Variants in FGGY observed in about 807,000 individuals in gnomAD.
FGGY encodes the protein FGGY carbohydrate kinase domain-containing protein.
Under a neutral mutation model 71.3 loss-of-function variants are expected in FGGY, and 72 were observed. The observed-to-expected ratio is 1.01, with a 90% CI of 0.84 to 1.23. The LOEUF (loss-of-function observed/expected upper bound fraction) is 1.23, where lower values mean the gene tolerates loss of function less well. Among genes scored for constraint, FGGY ranks in the 50% most tolerant of loss-of-function variants. The pLI, the probability that FGGY is intolerant of heterozygous loss-of-function variation, is 0.00. For synonymous variants in FGGY, 251 were observed against 250.3 expected (o/e 1.00, Z -0.02); for missense variants, 668 against 682.3 (o/e 0.98, Z 0.23).
chr1:59,622,615 A>G (rs2096821388), intron 9 of FGGY, among the ~76,000 whole-genome samples: 1 of 152,158 alleles, frequency 6.6e-6, no homozygotes, highest in Non-Finnish European at 1.5e-5. Flanking sequence ...TTAGGGTAGC[A>G]TTTATAGGCA....
intron 9 of FGGY, among the ~76,000 whole-genome samples, chr1:59,611,078 C>A (rs765808842): frequency 1.3e-5 from 2 of 152,244 alleles, no homozygotes; most frequent in Non-Finnish European, 2.9e-5. Flanking sequence ...TAGACTCCAC[C>A]TCTGAGGGCG....
intron 14 of FGGY, among the ~76,000 whole-genome samples, chr1:59,724,056 A>G (rs2097919381): frequency 6.6e-6 from 1 of 152,062 alleles, no homozygotes; most frequent in African/African-American, 2.4e-5. Flanking sequence ...CCAGCTACTC[A>G]GGAAGCTGAG....
chr1:59,701,645 A>G (rs1428078891), intron 14 of FGGY, among the ~76,000 whole-genome samples: 1 of 152,134 alleles, frequency 6.6e-6, no homozygotes. Flanking sequence ...AAAGGAAGTG[A>G]CAGTTGAGTC....
intron 1 of FGGY, among the ~76,000 whole-genome samples, chr1:59,309,236 T>C (rs2043889587): frequency 6.6e-6 from 1 of 152,192 alleles, no homozygotes; most frequent in South Asian, 2.1e-4. Context: ...TTCCTGTTTG[T>C]TAGGTGTAAA....
At chr1:59,503,099 C>A (rs2094278862) in intron 6 of FGGY, among the ~76,000 whole-genome samples, 1 of 152,252 alleles carries the variant, frequency 6.6e-6, no homozygotes, top group African/African-American at 2.4e-5. Context: ...TGACCATGTC[C>A]CATTACATAG....
chr1:59,556,175 G>A (rs2095683494), intron 8 of FGGY, among the ~76,000 whole-genome samples: 1 of 152,190 alleles, frequency 6.6e-6, no homozygotes, highest in Admixed American at 6.5e-5. Flanking sequence ...TTGTTAGATT[G>A]TCTTCACTGA....
At chr1:59,605,567 T>G (rs967272236) in intron 8 of FGGY, among the ~76,000 whole-genome samples, 2 of 152,198 alleles carry the variant, frequency 1.3e-5, no homozygotes, top group African/African-American at 2.4e-5. Context: ...AAGCCTATCT[T>G]TTTTCTCCCT....
At chr1:59,727,192 T>G (rs764213235) in intron 14 of FGGY, among the ~76,000 whole-genome samples, 5 of 152,212 alleles carry the variant, frequency 3.3e-5, no homozygotes, top group Non-Finnish European at 5.9e-5. Flanking sequence ...GGCCTCCAGC[T>G]ACCTCCACGT....
chr1:59,392,335 C>T (rs531530726), intron 5 of FGGY, among the ~76,000 whole-genome samples: 71 of 152,264 alleles, frequency 4.7e-4, no homozygotes, highest in Admixed American at 1.7e-3. Flanking sequence ...CACTAGAGCT[C>T]TTAAGGCTTG....
chr1:59,551,900 G>C (rs967508096), intron 7 of FGGY, among the ~76,000 whole-genome samples: 2 of 152,142 alleles, frequency 1.3e-5, no homozygotes, highest in Non-Finnish European at 2.9e-5. Flanking sequence ...TTTGTGCCCT[G>C]AATGGAGAAT....
chr1:59,308,590 G>C (rs1178910788), intron 1 of FGGY, among the ~76,000 whole-genome samples: 1 of 152,102 alleles, frequency 6.6e-6, no homozygotes, highest in East Asian at 1.9e-4. Context: ...GAATCACCTG[G>C]AGGCCTTTTT....
At chr1:59,314,925 T>C (rs2045130218) in intron 1 of FGGY, among the ~76,000 whole-genome samples, 1 of 152,114 alleles carries the variant, frequency 6.6e-6, no homozygotes, top group Non-Finnish European at 1.5e-5. Context: ...AGAGACTATG[T>C]GTGTGATGTT....
chr1:59,665,567 G>GT (rs1238847634), intron 12 of FGGY, among the ~76,000 whole-genome samples: 1 of 152,090 alleles, frequency 6.6e-6, no homozygotes, highest in Non-Finnish European at 1.5e-5. Flanking sequence ...ATCCCCTGGG[G>GT]TGACAGCTCC....
chr1:59,515,151 C>T lies in FGGY; in HGVS notation c.799+2712C>T, dbSNP rs775621161. 3.3e-5 allele frequency among the ~76,000 whole-genome samples: 5 copies of T among 152,200 alleles called. No individual in the cohort carries two copies. The East Asian group carries it at 9.7e-4, about 29-fold the overall frequency. On this transcript the variant is annotated intron_variant, in intron 7 of 15. Transcript: ENST00000303721. Reference sequence around the variant, plus strand: ...AGCGCTGCCCAAGACCATGGGAACCCACCTCTTGCATCAGTGTGACTTGGA... The same window carrying T: ...AGCGCTGCCCAAGACCATGGGAACCTACCTCTTGCATCAGTGTGACTTGGA...
rs140149476 is a variant in FGGY at position 59,321,757 on chromosome 1, G to A, written c.201+7G>A. 1.1e-4 allele frequency: 178 copies of A among 1,606,860 alleles called. 1 individual carries two copies. The Admixed American group carries it at 2.9e-3, about 26-fold the overall frequency. ...GTGCTGTGTTGTCACAAAGGTATGG[G>A]CAAAACTGGTGTTCTCTCCTTGTTC... On this transcript the variant is annotated splice_region_variant and intron_variant, in intron 2 of 15. Coordinates refer to ENST00000303721, the MANE Select transcript of FGGY (RefSeq NM_018291.5).
intron 10 of FGGY, among the ~76,000 whole-genome samples, chr1:59,627,452 TTTTATATATA>T (rs1245561911): frequency 0.012 from 575 of 47,538 alleles, 8 homozygotes; most frequent in African/African-American, 0.044. Context: ...CAACTTATGA[TTTTATATATA>T]TATATATATA....
intron 8 of FGGY, among the ~76,000 whole-genome samples, chr1:59,562,390 A>C (rs890790291): frequency 2.6e-5 from 4 of 152,340 alleles, no homozygotes; most frequent in African/African-American, 9.6e-5. Context: ...CTTCCAGGCA[A>C]CTTGCAGTCT....
chr1:59,716,169 C>T (rs1395487852), intron 14 of FGGY, among the ~76,000 whole-genome samples: 4 of 152,168 alleles, frequency 2.6e-5, no homozygotes, highest in Admixed American at 2.6e-4. Context: ...AGCCTGACTC[C>T]AGAACTTGTG....
At chr1:59,759,769 A>C (rs2098326923) in intron 15 of FGGY, among the ~76,000 whole-genome samples, 1 of 152,246 alleles carries the variant, frequency 6.6e-6, no homozygotes, top group African/African-American at 2.4e-5. Context: ...CCTCTGCCAC[A>C]CAGAAGCAGG....
Sources: gnomAD v4.1 joint callset for allele counts (sites outside exome capture counted in the v4.1 genomes callset) on GRCh38, gnomAD v4.1.1 for gene constraint, MANE v1.5 for transcripts, NCBI Gene and HGNC (gene_info 2026-07-23, HGNC 2026-07-21) for gene names.